TBC1D5: variants seen among roughly 807,000 people sequenced by gnomAD.
TBC1D5 encodes the protein TBC1 domain family, member 5.
A neutral mutation model predicts 100.3 loss-of-function variants in TBC1D5; 75 were observed. The ratio of observed to expected loss-of-function variants is 0.75; its 90% CI spans 0.62 to 0.91. The LOEUF is 0.91. Ranked by LOEUF, TBC1D5 falls within the 40% of genes least tolerant of loss-of-function variation. The pLI is 0.00. For synonymous variants in TBC1D5, 323 were observed against 325.6 expected, an observed-to-expected ratio of 0.99 and a Z score of 0.09; for missense variants, 910 against 942.4, an observed-to-expected ratio of 0.97 and a Z score of 0.45.
At chr3:17,560,446 C>T (rs528129320) in intron 2 of TBC1D5, among the ~76,000 whole-genome samples, 1 of 151,634 alleles carries the variant, frequency 6.6e-6, no homozygotes, top group Non-Finnish European at 1.5e-5. Flanking sequence ...AGTGAGACAC[C>T]CTGTCTCTAA....
chr3:17,663,165 T>A (rs1006233787), intron 1 of TBC1D5: 2 of 152,198 alleles, frequency 1.3e-5, no homozygotes, highest in Non-Finnish European at 2.9e-5. Context: ...CTGATAATTT[T>A]AAAATCCTAG....
intron 3 of TBC1D5, among the ~76,000 whole-genome samples, chr3:17,499,177 G>C (rs888244100): frequency 1.3e-5 from 2 of 152,130 alleles, no homozygotes; most frequent in Admixed American, 1.3e-4. Context: ...ACCAGTAGTT[G>C]CAGTATATAG....
intron 2 of TBC1D5, among the ~76,000 whole-genome samples, chr3:17,610,759 G>A (rs930204088): frequency 1.6e-4 from 25 of 152,204 alleles, no homozygotes; most frequent in African/African-American, 6.0e-4. Flanking sequence ...GCTAACACCT[G>A]TAATCGCAGC....
intron 2 of TBC1D5, among the ~76,000 whole-genome samples, chr3:17,591,840 G>A (rs571572831): frequency 1.3e-5 from 2 of 152,238 alleles, no homozygotes; most frequent in Admixed American, 6.5e-5. Flanking sequence ...ATCCTTGGAG[G>A]GATTGCAGAG....
chr3:17,347,542 T>C (rs1393876947), intron 13 of TBC1D5, among the ~76,000 whole-genome samples: 2 of 152,144 alleles, frequency 1.3e-5, no homozygotes, highest in African/African-American at 4.8e-5. Flanking sequence ...CTAAATTTTT[T>C]TTCTGACATA....
chr3:17,255,361 C>T (rs914637577), intron 16 of TBC1D5, among the ~76,000 whole-genome samples: 3 of 152,022 alleles, frequency 2.0e-5, no homozygotes, highest in Non-Finnish European at 2.9e-5. Context: ...CCACCACTCC[C>T]GTCTAATTTT....
intron 15 of TBC1D5, among the ~76,000 whole-genome samples, chr3:17,287,997 G>A (rs2081337252): frequency 6.6e-6 from 1 of 152,094 alleles, no homozygotes; most frequent in Non-Finnish European, 1.5e-5. Context: ...ATTTCATTGA[G>A]AATTGTATGT....
intron 16 of TBC1D5, among the ~76,000 whole-genome samples, chr3:17,255,608 TG>T (rs144272510): frequency 0.013 from 1,963 of 152,352 alleles, 43 homozygotes; most frequent in African/African-American, 0.044. Flanking sequence ...GTTTGTCTTT[TG>T]ATTCAGTTTA....
chr3:17,564,666 T>C (rs531585327), intron 2 of TBC1D5, among the ~76,000 whole-genome samples: 1 of 152,296 alleles, frequency 6.6e-6, no homozygotes, highest in East Asian at 1.9e-4. Flanking sequence ...GTTGATGCCC[T>C]ATGTATGCCC....
In TBC1D5 at chr3:17,384,303, C is replaced by T. The variant is rs1230875327; in HGVS notation, c.510-288G>A. The stretch of plus-strand genomic sequence containing the variant: ...ATGATAGCTTTTGAATCATATTCTA[C>T]GTGTCTGCAGATGGGGAGTTGCTTT... On this transcript the variant is annotated intron_variant, in intron 8 of 21. Coordinates refer to ENST00000253692, the Ensembl canonical transcript of TBC1D5. 3.3e-5 allele frequency among the ~76,000 whole-genome samples: 5 copies of T among 152,012 alleles called. No individual in the cohort carries two copies. In the South Asian group the frequency reaches 6.2e-4, roughly 19 times the overall value.
rs558433719 is a variant in TBC1D5, at chr3:17,170,878, G to A, written c.1853-3050C>T. Among the ~76,000 whole-genome samples the A allele has an allele frequency of 3.9e-4, 60 of 152,304 alleles. 1 individual carries two copies. The South Asian group carries it at 0.012, about 31-fold the overall frequency. The stretch of plus-strand genomic sequence containing the variant: ...GCATTTGCTCAGAAAAAAATGGTTA[G>A]TCTATAAGAGACTGAATTGCCTTTA... On this transcript the variant is annotated intron_variant, in intron 19 of 21. Transcript: ENST00000253692.
intron 2 of TBC1D5, among the ~76,000 whole-genome samples, chr3:17,540,779 C>T (rs924097520): frequency 1.9e-4 from 29 of 151,434 alleles, no homozygotes; most frequent in Middle Eastern, 3.4e-3. Context: ...TGATGGTGGG[C>T]GCCTGTAATC....
At chr3:17,676,338 G>A (rs1222717560) in intron 1 of TBC1D5, among the ~76,000 whole-genome samples, 3 of 152,142 alleles carry the variant, frequency 2.0e-5, no homozygotes, top group Middle Eastern at 3.4e-3. Flanking sequence ...AAAATCACAA[G>A]CATTCCTATA....
chr3:17,334,770 T>C (rs2087427846), intron 13 of TBC1D5, among the ~76,000 whole-genome samples: 1 of 152,174 alleles, frequency 6.6e-6, no homozygotes, highest in Admixed American at 6.5e-5. Context: ...TAGATATAAT[T>C]TCTGGATAAG....
At chr3:17,505,843 A>C (rs1196958138) in intron 3 of TBC1D5, among the ~76,000 whole-genome samples, 1 of 152,186 alleles carries the variant, frequency 6.6e-6, no homozygotes, top group Non-Finnish European at 1.5e-5. Context: ...TGTAAACTAA[A>C]CTGAACAGGG....
chr3:17,330,287 C>T (rs1292757406), intron 13 of TBC1D5, among the ~76,000 whole-genome samples: 1 of 152,152 alleles, frequency 6.6e-6, no homozygotes, highest in Non-Finnish European at 1.5e-5. Context: ...TCCAAACCTG[C>T]AGGAGGCTAA....
intron 2 of TBC1D5, among the ~76,000 whole-genome samples, chr3:17,603,629 C>G (rs1032002730): frequency 6.6e-6 from 1 of 152,124 alleles, no homozygotes; most frequent in Non-Finnish European, 1.5e-5. Context: ...CAGCAGCCCC[C>G]AGAATCAAAG....
At chr3:17,571,313 T>C (rs959118292) in intron 2 of TBC1D5, among the ~76,000 whole-genome samples, 3 of 152,024 alleles carry the variant, frequency 2.0e-5, no homozygotes, top group African/African-American at 4.8e-5. Flanking sequence ...ATACCTATAA[T>C]TGTCATTTTG....
At chr3:17,539,471 G>A (rs557365143) in intron 2 of TBC1D5, among the ~76,000 whole-genome samples, 19 of 152,280 alleles carry the variant, frequency 1.2e-4, no homozygotes, top group African/African-American at 4.6e-4. Context: ...TATGTCAAAG[G>A]AATATATTTT....
Sources: gnomAD v4.1 joint callset for allele counts (sites outside exome capture counted in the v4.1 genomes callset) on GRCh38, gnomAD v4.1.1 for gene constraint, MANE v1.5 for transcripts, NCBI Gene and HGNC (gene_info 2026-07-23, HGNC 2026-07-21) for gene names.